The following EYS variants were observed in gnomAD, a reference collection of about 807,000 sequenced individuals.
EYS encodes the protein EGF-like photoreceptor maintenance factor.
EYS carries 250 observed loss-of-function variants against 282.1 expected under a neutral mutation model. The ratio of observed to expected loss-of-function variants is 0.89; its 90% CI spans 0.80 to 0.98. EYS has a LOEUF of 0.98. EYS is among the 50% of genes least tolerant of loss of function. EYS has a pLI of 0.00. For missense variants in EYS, 4,016 were observed against 3,709.0 expected, an observed-to-expected ratio of 1.08 and a Z score of -2.15; for synonymous variants, 1,355 against 1,282.9, an observed-to-expected ratio of 1.06 and a Z score of -1.20.
chr6:64,280,371 G>T (rs1248454220), intron 30 of EYS, among the ~76,000 whole-genome samples: 1 of 152,048 alleles, frequency 6.6e-6, no homozygotes, highest in Non-Finnish European at 1.5e-5. Flanking sequence ...GTTAGTAGAT[G>T]ATCTCTGAGG....
At chr6:64,854,329 A>C (rs889316395) in intron 19 of EYS, among the ~76,000 whole-genome samples, 3 of 152,154 alleles carry the variant, frequency 2.0e-5, no homozygotes, top group African/African-American at 7.2e-5. Context: ...TATTCACAAT[A>C]GAAAAGACTT....
chr6:64,251,477 C>T (rs891864569), intron 30 of EYS, among the ~76,000 whole-genome samples: 3 of 152,072 alleles, frequency 2.0e-5, no homozygotes, highest in Non-Finnish European at 4.4e-5. Flanking sequence ...GGGGGATTCA[C>T]TTCAAAGAAG....
chr6:65,139,442 G>A (rs1426071980), intron 12 of EYS, among the ~76,000 whole-genome samples: 1 of 152,028 alleles, frequency 6.6e-6, no homozygotes, highest in Non-Finnish European at 1.5e-5. Flanking sequence ...TGAGGGTGAA[G>A]GGAAGGAAGA....
At chr6:64,102,979 G>A (rs539854515) in intron 31 of EYS, among the ~76,000 whole-genome samples, 1 of 151,906 alleles carries the variant, frequency 6.6e-6, no homozygotes, top group East Asian at 1.9e-4. Flanking sequence ...GCATTCACAT[G>A]TAATTAAAAA....
intron 12 of EYS, among the ~76,000 whole-genome samples, chr6:65,122,703 G>C (rs969520419): frequency 9.9e-5 from 15 of 151,952 alleles, no homozygotes; most frequent in African/African-American, 3.6e-4. Context: ...TAAAAAGTGA[G>C]AAAAAATATA....
chr6:65,205,623 C>G (rs1236724110), intron 12 of EYS, among the ~76,000 whole-genome samples: 1 of 151,822 alleles, frequency 6.6e-6, no homozygotes. Flanking sequence ...ACACATGGAA[C>G]ATTTGACCAT....
intron 12 of EYS, among the ~76,000 whole-genome samples, chr6:65,062,460 G>T (rs572739500): frequency 6.6e-6 from 1 of 151,912 alleles, no homozygotes; most frequent in African/African-American, 2.4e-5. Flanking sequence ...CTGTTTTTCT[G>T]CTTTCACTCT....
At chr6:63,899,311 G>A (rs1773607482) in intron 35 of EYS, among the ~76,000 whole-genome samples, 3 of 151,942 alleles carry the variant, frequency 2.0e-5, no homozygotes, top group Non-Finnish European at 4.4e-5. Context: ...ACAACATGTT[G>A]AATTAATGAA....
intron 35 of EYS, among the ~76,000 whole-genome samples, chr6:63,982,649 G>A (rs1767152934): frequency 6.6e-6 from 1 of 151,758 alleles, no homozygotes; most frequent in Non-Finnish European, 1.5e-5. Context: ...AATCCTGGAA[G>A]TGATGTCTCA....
intron 9 of EYS, among the ~76,000 whole-genome samples, chr6:65,345,916 T>C (rs1265394226): frequency 6.6e-6 from 1 of 151,728 alleles, no homozygotes; most frequent in African/African-American, 2.4e-5. Flanking sequence ...ACTGAGATGC[T>C]CTGGGTTTAA....
chr6:65,214,036 G>A (rs992236371), intron 12 of EYS, among the ~76,000 whole-genome samples: 1 of 151,878 alleles, frequency 6.6e-6, no homozygotes, highest in African/African-American at 2.4e-5. Context: ...GCGGGTGCCT[G>A]TAGTCCCAGC....
chr6:63,890,105 T>C (rs1284814144), intron 35 of EYS, among the ~76,000 whole-genome samples: 1 of 152,172 alleles, frequency 6.6e-6, no homozygotes, highest in East Asian at 1.9e-4. Context: ...AGCACCCAGA[T>C]TCATAAAGCA....
intron 2 of EYS, among the ~76,000 whole-genome samples, chr6:65,612,716 A>G (rs1402219103): frequency 1.3e-5 from 2 of 151,554 alleles, no homozygotes; most frequent in Non-Finnish European, 1.5e-5. Context: ...TTTTCTTTTC[A>G]TATATTTTAT....
intron 26 of EYS, among the ~76,000 whole-genome samples, chr6:64,442,279 G>T (rs1221561328): frequency 2.0e-5 from 3 of 152,102 alleles, no homozygotes; most frequent in African/African-American, 7.2e-5. Flanking sequence ...ACATGATTTA[G>T]GATATCTGGC....
chr6:65,539,909 C>A (rs1356072582), intron 2 of EYS, among the ~76,000 whole-genome samples: 1 of 152,110 alleles, frequency 6.6e-6, no homozygotes, highest in African/African-American at 2.4e-5. Context: ...AAGCTCAAGA[C>A]CATGAAAAGA....
intron 35 of EYS, among the ~76,000 whole-genome samples, chr6:63,978,574 G>C (rs1289539165): frequency 2.6e-5 from 4 of 151,938 alleles, no homozygotes; most frequent in African/African-American, 9.7e-5. Context: ...TGCTGAGCTA[G>C]ATTTGGGGTA....
intron 1 of EYS, among the ~76,000 whole-genome samples, chr6:65,686,948 A>C (rs2149841522): frequency 6.6e-6 from 1 of 152,118 alleles, no homozygotes; most frequent in Middle Eastern, 3.4e-3. Context: ...AGGCTATTTA[A>C]ATCGATTTTA....
At chr6:64,423,326 A>C (rs974131723) in intron 28 of EYS, among the ~76,000 whole-genome samples, 2 of 152,232 alleles carry the variant, frequency 1.3e-5, no homozygotes, top group Non-Finnish European at 2.9e-5. Context: ...TAGACCATTA[A>C]GCAATTTAAT....
intron 40 of EYS, among the ~76,000 whole-genome samples, chr6:63,765,377 T>TAGGGAAGGCCA (rs1554167869): frequency 3.3e-5 from 5 of 151,752 alleles, no homozygotes; most frequent in African/African-American, 1.2e-4. Context: ...GTGAATTACT[T>TAGGGAAGGCCA]AGGGAAGGCT....
Sources: gnomAD v4.1 joint callset for allele counts (sites outside exome capture counted in the v4.1 genomes callset) on GRCh38, gnomAD v4.1.1 for gene constraint, MANE v1.5 for transcripts, NCBI Gene and HGNC (gene_info 2026-07-23, HGNC 2026-07-21) for gene names.